The following ESRRB variants were observed in gnomAD, a reference collection of about 807,000 sequenced individuals.
ESRRB encodes estrogen related receptor beta, also known as steroid hormone receptor ERR2.
In ESRRB, 16 loss-of-function variants were observed where a neutral mutation model predicts 46.0. The observed-to-expected ratio is 0.35, with a 90% confidence interval of 0.24 to 0.53. The LOEUF is 0.53. Ranked by LOEUF, ESRRB falls within the 20% of genes least tolerant of loss-of-function variation. ESRRB has a pLI of 0.93. For missense variants in ESRRB, 488 were observed against 607.4 expected (o/e 0.80, Z 2.07); for synonymous variants, 246 against 259.6 (o/e 0.95, Z 0.50).
At chr14:76,461,594 T>C (rs58643189) in intron 2 of ESRRB, among the ~76,000 whole-genome samples, 48,563 of 151,890 alleles carry the variant, frequency 0.32, 8,800 homozygotes, top group African/African-American at 0.5. Context: ...CTGCAACCTC[T>C]ACCTCCCGGG....
At chr14:76,463,273 G>A (rs765132914) in intron 3 of ESRRB, 2 of 173,138 alleles carry the variant, frequency 1.2e-5, no homozygotes, top group Non-Finnish European at 2.5e-5. Context: ...GGTCCAAACA[G>A]AGGTGTGCTG....
chr14:76,408,175 C>T (rs1332765412), intron 1 of ESRRB, among the ~76,000 whole-genome samples: 1 of 152,224 alleles, frequency 6.6e-6, no homozygotes, highest in African/African-American at 2.4e-5. Flanking sequence ...TATCTGGCCC[C>T]ACTCATTGAT....
chr14:76,330,159 G>T (rs1410342222), intron 1 of ESRRB, among the ~76,000 whole-genome samples: 2 of 152,142 alleles, frequency 1.3e-5, no homozygotes, highest in Non-Finnish European at 2.9e-5. Context: ...GATGGGCCCT[G>T]GTTCTGAGGG....
chr14:76,371,642 G>A (rs1422258395), upstream of ESRRB: 1 of 152,246 alleles, frequency 6.6e-6, no homozygotes, highest in Non-Finnish European at 1.5e-5. Context: ...CCACCTGGAA[G>A]CTTGGCTTCA....
intron 1 of ESRRB, among the ~76,000 whole-genome samples, chr14:76,427,337 G>C (rs940907137): frequency 8.2e-5 from 8 of 97,200 alleles, no homozygotes; most frequent in Admixed American, 5.8e-4. Flanking sequence ...TGCAGGAGCT[G>C]TGTGTGTGTG....
At chr14:76,331,184 A>T (rs1235637643) in intron 1 of ESRRB, among the ~76,000 whole-genome samples, 1 of 152,124 alleles carries the variant, frequency 6.6e-6, no homozygotes, top group Non-Finnish European at 1.5e-5. Flanking sequence ...GACATTAGAA[A>T]TGACTTCTGA....
At chr14:76,471,542 T>A (rs1889374015) in intron 3 of ESRRB, among the ~76,000 whole-genome samples, 1 of 152,212 alleles carries the variant, frequency 6.6e-6, no homozygotes, top group African/African-American at 2.4e-5. Flanking sequence ...CCCTGGCTTA[T>A]TTTTGACCCT....
rs914160090 is a variant in ESRRB, at chr14:76,482,718, G to A, written c.809G>A (p.Arg270Gln). The A allele has an allele frequency of 4.3e-6, 7 of 1,614,160 alleles. No individual in the cohort carries two copies. The highest frequency in any genetic ancestry group is 3.3e-5 in the Admixed American group (2 of 60,030). ...ALTTLCDLAD[R>Q]ELVVIIGWAK... ...ACCACTCTCTGTGACCTGGCAGACC[G>A]AGAGCTTGTGGTCATCATTGGCTGG... Residue 270 changes from arginine (R) to glutamine (Q), a missense_variant, in exon 5 of 7, where the codon CGA (arginine) becomes CAA (glutamine). Arg to Gln is a conservative substitution (Grantham distance 43). Transcript: ENST00000644823. The surrounding 1 kb of genome is among the most constrained non-coding windows in gnomAD (Gnocchi z 4.3).
intron 1 of ESRRB, among the ~76,000 whole-genome samples, chr14:76,394,164 T>C (rs1298244618): frequency 2.0e-5 from 3 of 151,994 alleles, no homozygotes; most frequent in Non-Finnish European, 4.4e-5. Flanking sequence ...AGATCAGAGA[T>C]TGTGCCTGTG....
At chr14:76,486,088 T>C (rs761466694) in intron 5 of ESRRB, among the ~76,000 whole-genome samples, 1 of 152,220 alleles carries the variant, frequency 6.6e-6, no homozygotes, top group Non-Finnish European at 1.5e-5. Context: ...GAGTTGAATG[T>C]TCCAAGTATT....
chr14:76,332,503 A>G (rs1884025585), intron 1 of ESRRB, among the ~76,000 whole-genome samples: 1 of 101,964 alleles, frequency 9.8e-6, no homozygotes, highest in Non-Finnish European at 1.8e-5. Context: ...ATATTTATAT[A>G]TGTATTTGTA....
At chr14:76,391,222 G>A (rs905501166) in intron 1 of ESRRB, among the ~76,000 whole-genome samples, 1 of 152,222 alleles carries the variant, frequency 6.6e-6, no homozygotes, top group East Asian at 1.9e-4. Flanking sequence ...GAAAGAGCAA[G>A]AGTGCGTTTG....
At chr14:76,351,356 C>T (rs964528606) in intron 1 of ESRRB, among the ~76,000 whole-genome samples, 2 of 147,084 alleles carry the variant, frequency 1.4e-5, no homozygotes, top group African/African-American at 4.8e-5. Flanking sequence ...GAGGATTCTT[C>T]CTACGTCTTC....
intron 1 of ESRRB, among the ~76,000 whole-genome samples, chr14:76,396,744 C>G (rs914097145): frequency 2.2e-4 from 34 of 152,208 alleles, no homozygotes; most frequent in African/African-American, 7.7e-4. Context: ...CAGGACAAAC[C>G]CAGACAGAGG....
intron 3 of ESRRB, among the ~76,000 whole-genome samples, chr14:76,474,519 T>G (rs1004845880): frequency 6.6e-5 from 10 of 152,214 alleles, no homozygotes; most frequent in African/African-American, 2.4e-4. Context: ...AGTGTACAAT[T>G]CAGTGACATC....
chr14:76,467,428 G>T (rs577615405), intron 3 of ESRRB, among the ~76,000 whole-genome samples: 14 of 150,598 alleles, frequency 9.3e-5, no homozygotes, highest in African/African-American at 3.4e-4. Context: ...TTGAACCCAG[G>T]AGGCAGAGGT....
chr14:76,466,335 G>T (rs1396463829), intron 3 of ESRRB, among the ~76,000 whole-genome samples: 1 of 152,052 alleles, frequency 6.6e-6, no homozygotes, highest in Admixed American at 6.5e-5. Context: ...CCTTTCTTAG[G>T]TAAAATAATC....
chr14:76,395,900 C>T (rs1302494393), intron 1 of ESRRB, among the ~76,000 whole-genome samples: 1 of 151,986 alleles, frequency 6.6e-6, no homozygotes, highest in Non-Finnish European at 1.5e-5. Flanking sequence ...TTCAGCCGGG[C>T]ATGGTGGCTG....
chr14:76,334,239 G>C (rs1389147969), intron 1 of ESRRB, among the ~76,000 whole-genome samples: 1 of 152,272 alleles, frequency 6.6e-6, no homozygotes, highest in East Asian at 1.9e-4. Flanking sequence ...AGGCCAGTGG[G>C]GCACCTGATC....
Sources: allele counts gnomAD v4.1 joint callset (sites outside exome capture counted in the v4.1 genomes callset), GRCh38; gene constraint gnomAD v4.1.1; non-coding constraint Gnocchi (gnomAD v3.1); transcripts MANE v1.5; gene names NCBI Gene and HGNC (gene_info 2026-07-23, HGNC 2026-07-21).